RAB27B: variants seen among roughly 807,000 people sequenced by gnomAD.
RAB27B encodes the protein RAB27B, member RAS oncogene family.
Under a neutral mutation model 24.6 loss-of-function variants are expected in RAB27B, and 15 were observed. That is an observed-to-expected ratio of 0.61 (90% CI 0.41 to 0.94). The LOEUF is 0.94. Among genes scored for constraint, RAB27B ranks in the 40% least tolerant of loss-of-function variants. The pLI, the probability that RAB27B is intolerant of heterozygous loss-of-function variation, is 0.00. For synonymous variants in RAB27B, 105 were observed against 92.5 expected, an observed-to-expected ratio of 1.14 and a Z score of -0.78; for missense variants, 261 against 266.8, an observed-to-expected ratio of 0.98 and a Z score of 0.15.
chr18:54,856,935 T>G (rs532892697), intron 1 of RAB27B, among the ~76,000 whole-genome samples: 40 of 152,368 alleles, frequency 2.6e-4, no homozygotes, highest in South Asian at 6.2e-4. Context: ...CTTTAATTTC[T>G]TACCTAAGAT....
chr18:54,797,279 A>G (rs1909452685), intron 2 of RAB27B, among the ~76,000 whole-genome samples: 1 of 152,162 alleles, frequency 6.6e-6, no homozygotes, highest in Admixed American at 6.5e-5. Flanking sequence ...CTCTTCTAGC[A>G]CTTTGTGAGG....
At chr18:54,877,807 T>C (rs1436734057) in intron 2 of RAB27B, 69 bp downstream of exon 2, 15 of 1,447,652 alleles carry the variant, frequency 1.0e-5, no homozygotes, top group Non-Finnish European at 1.4e-5. Context: ...CAAGAAGCTA[T>C]GTTTATTGCA....
At chr18:54,746,260 A>C (rs543558939) in intron 2 of RAB27B, among the ~76,000 whole-genome samples, 1 of 152,322 alleles carries the variant, frequency 6.6e-6, no homozygotes, top group Admixed American at 6.5e-5. Flanking sequence ...GTTAGATCTC[A>C]GGTATGAGGT....
chr18:54,758,653 A>T (rs901886189), intron 2 of RAB27B, among the ~76,000 whole-genome samples: 10 of 142,410 alleles, frequency 7.0e-5, no homozygotes, highest in Non-Finnish European at 1.1e-4. Flanking sequence ...AAAAAAAAGG[A>T]ACAACGACAG....
intron 1 of RAB27B, among the ~76,000 whole-genome samples, chr18:54,846,629 C>T (rs1911350339): frequency 6.6e-6 from 1 of 152,148 alleles, no homozygotes; most frequent in African/African-American, 2.4e-5. Context: ...AAAAACTGAC[C>T]TCTGAGCTTC....
chr18:54,747,807 A>C (rs1047070466), intron 2 of RAB27B, among the ~76,000 whole-genome samples: 2 of 152,124 alleles, frequency 1.3e-5, no homozygotes, highest in African/African-American at 4.8e-5. Context: ...GTGCATAAAG[A>C]CTTTATTAAA....
intron 2 of RAB27B, among the ~76,000 whole-genome samples, chr18:54,769,315 C>T (rs1471554354): frequency 6.6e-6 from 1 of 152,204 alleles, no homozygotes; most frequent in East Asian, 1.9e-4. Flanking sequence ...CCACGTCTCA[C>T]CTCTGTCTGG....
chr18:54,793,417 G>C (rs143671635), intron 2 of RAB27B, among the ~76,000 whole-genome samples: 13 of 152,264 alleles, frequency 8.5e-5, no homozygotes, highest in Non-Finnish European at 1.6e-4. Context: ...CACATAATGA[G>C]AGAGGAACAT....
intron 1 of RAB27B, among the ~76,000 whole-genome samples, chr18:54,832,044 G>A (rs909723521): frequency 1.3e-5 from 2 of 152,174 alleles, no homozygotes; most frequent in African/African-American, 4.8e-5. Context: ...AAAGTGCTGG[G>A]ATTACAGATG....
intron 2 of RAB27B, among the ~76,000 whole-genome samples, chr18:54,791,027 T>C (rs1400961141): frequency 6.6e-6 from 1 of 152,190 alleles, no homozygotes; most frequent in Non-Finnish European, 1.5e-5. Context: ...ATTTTAAAAG[T>C]AGAATTTTGA....
upstream of RAB27B, among the ~76,000 whole-genome samples, chr18:54,827,617 CAAGTT>C (rs1481875797): frequency 6.6e-6 from 1 of 152,122 alleles, no homozygotes; most frequent in Non-Finnish European, 1.5e-5. Flanking sequence ...GAATAAGAAA[CAAGTT>C]AAGTAATTAA....
intron 2 of RAB27B, among the ~76,000 whole-genome samples, chr18:54,809,802 G>C (rs972417266): frequency 2.0e-5 from 3 of 152,208 alleles, no homozygotes; most frequent in African/African-American, 7.2e-5. Context: ...TTGTTAAACA[G>C]ATCCTACATT....
chr18:54,812,249 G>T (rs1419164743), intron 2 of RAB27B, among the ~76,000 whole-genome samples: 1 of 151,258 alleles, frequency 6.6e-6, no homozygotes, highest in Non-Finnish European at 1.5e-5. Context: ...TTGGCAAACA[G>T]AAATGAATGA....
At chr18:54,727,964 T>C (rs1278419369) in intron 2 of RAB27B, among the ~76,000 whole-genome samples, 1 of 152,164 alleles carries the variant, frequency 6.6e-6, no homozygotes, top group Non-Finnish European at 1.5e-5. Context: ...TGACTACAGC[T>C]AAAAACTCTG....
chr18:54,771,761 T>G (rs778154546), intron 2 of RAB27B, among the ~76,000 whole-genome samples: 1 of 152,050 alleles, frequency 6.6e-6, no homozygotes, highest in African/African-American at 2.4e-5. Context: ...TTTCTACTTA[T>G]AAAGAAGCCA....
chr18:54,740,361 G>A (rs1385113906), intron 2 of RAB27B, among the ~76,000 whole-genome samples: 8 of 152,148 alleles, frequency 5.3e-5, no homozygotes, highest in Non-Finnish European at 8.8e-5. Flanking sequence ...GAAATGATGA[G>A]TCATTCTTGC....
At chr18:54,831,438 C>T (rs1223213907) in intron 1 of RAB27B, among the ~76,000 whole-genome samples, 4 of 152,054 alleles carry the variant, frequency 2.6e-5, no homozygotes, top group Non-Finnish European at 5.9e-5. Flanking sequence ...AACATGTTGG[C>T]CTTTGTTTTT....
chr18:54,813,835 T>A (rs79284227), intron 2 of RAB27B, among the ~76,000 whole-genome samples: 5,160 of 152,024 alleles, frequency 0.034, 141 homozygotes, highest in Admixed American at 0.078. Flanking sequence ...CAGGTTATCA[T>A]TTTTTTTAAT....
At chr18:54,814,465 T>C (rs538365261) in intron 2 of RAB27B, among the ~76,000 whole-genome samples, 1 of 152,338 alleles carries the variant, frequency 6.6e-6, no homozygotes, top group South Asian at 2.1e-4. Flanking sequence ...GTTTCTCCAG[T>C]TGCCATGGGA....
Sources: gnomAD v4.1 joint callset for allele counts (sites outside exome capture counted in the v4.1 genomes callset) on GRCh38, gnomAD v4.1.1 for gene constraint, MANE v1.5 for transcripts, NCBI Gene and HGNC (gene_info 2026-07-23, HGNC 2026-07-21) for gene names.